FRY: variants seen among roughly 807,000 people sequenced by gnomAD.
FRY encodes FRY microtubule binding protein.
Under a neutral mutation model 348.4 loss-of-function variants are expected in FRY, and 128 were observed. That is an observed-to-expected ratio of 0.37 (90% CI 0.32 to 0.43). The LOEUF (loss-of-function observed/expected upper bound fraction) is 0.43, where lower values mean the gene tolerates loss of function less well. Among genes scored for constraint, FRY ranks in the 20% least tolerant of loss-of-function variants. FRY has a pLI of 1.00. For missense variants in FRY, 2,736 were observed against 3,695.2 expected (o/e 0.74, Z 6.73); for synonymous variants, 1,370 against 1,374.7 (o/e 1.00, Z 0.08).
chr13:32,179,339 C>G (rs1325278872), intron 22 of FRY, among the ~76,000 whole-genome samples: 2 of 152,120 alleles, frequency 1.3e-5, no homozygotes, highest in Non-Finnish European at 1.5e-5. Flanking sequence ...TTCTTTCACT[C>G]CTCACTGAGT....
chr13:32,109,095 A>T (rs1395991732), intron 3 of FRY, among the ~76,000 whole-genome samples: 1 of 152,218 alleles, frequency 6.6e-6, no homozygotes, highest in Non-Finnish European at 1.5e-5. Context: ...AAAGGGGCCT[A>T]AACTAAAATG....
chr13:32,219,224 G>A (rs1330016900), intron 36 of FRY, among the ~76,000 whole-genome samples: 1 of 150,126 alleles, frequency 6.7e-6, no homozygotes, highest in Non-Finnish European at 1.5e-5. Context: ...GAGTAGCTGG[G>A]ACTACAGGCA....
In FRY at chr13:32,299,098, C is replaced by T. The variant is rs532247303; in HGVS notation, c.*3638C>T. On this transcript the variant is annotated 3_prime_UTR_variant, in exon 61 of 61. Transcript: ENST00000542859. Reference sequence around the variant, plus strand: ...TAAATTTTATGTTATATATGTTTTACCACAATAAAAATAATTTTTTTAAAG... The same window carrying T: ...TAAATTTTATGTTATATATGTTTTATCACAATAAAAATAATTTTTTTAAAG... The T allele has an allele frequency of 6.6e-6, 1 of 152,204 alleles. No homozygotes were observed. The highest frequency in any genetic ancestry group is 1.9e-4 in the East Asian group (1 of 5,188). 9.4% of individuals were successfully genotyped at this position (152,204 alleles called of 1,614,324 possible).
intron 42 of FRY, among the ~76,000 whole-genome samples, chr13:32,235,098 A>G (rs572288334): frequency 6.6e-6 from 1 of 152,236 alleles, no homozygotes; most frequent in Admixed American, 6.5e-5. Flanking sequence ...CCAACCTAGG[A>G]TGCAGTTATA....
chr13:32,084,849 A>G (rs1875750779), intron 2 of FRY, among the ~76,000 whole-genome samples: 1 of 151,780 alleles, frequency 6.6e-6, no homozygotes, highest in African/African-American at 2.4e-5. Context: ...CTTGGAGGCA[A>G]TATCTGTGTG....
At chr13:32,032,650 G>A (rs901463573) in intron 1 of FRY, among the ~76,000 whole-genome samples, 1 of 152,126 alleles carries the variant, frequency 6.6e-6, no homozygotes, top group African/African-American at 2.4e-5. Flanking sequence ...CTAAGCTGCC[G>A]TGGATCTGGA....
intron 28 of FRY, among the ~76,000 whole-genome samples, chr13:32,191,002 T>C (rs1004580802): frequency 3.3e-5 from 5 of 152,126 alleles, no homozygotes; most frequent in African/African-American, 1.2e-4. Flanking sequence ...AAATTACCCA[T>C]GTATTATGTA....
At chr13:32,063,009 T>C (rs1874036477) in intron 1 of FRY, among the ~76,000 whole-genome samples, 1 of 152,118 alleles carries the variant, frequency 6.6e-6, no homozygotes. Context: ...ATTGTACTTG[T>C]GTATAGGTAT....
intron 35 of FRY, among the ~76,000 whole-genome samples, chr13:32,214,101 ACAC>A (rs1459796201): frequency 8.5e-5 from 13 of 152,258 alleles, no homozygotes; most frequent in Admixed American, 3.3e-4. Context: ...CTCCCAATGG[ACAC>A]CACTATTCCG....
At chr13:32,081,308 T>C (rs1247285746) in intron 2 of FRY, among the ~76,000 whole-genome samples, 2 of 152,170 alleles carry the variant, frequency 1.3e-5, no homozygotes, top group Non-Finnish European at 2.9e-5. Flanking sequence ...AAGAGATGAA[T>C]CTAATCAGTT....
chr13:32,125,027 C>T, intron 7 of FRY, 152 bp downstream of exon 7: 1 of 716,402 alleles, frequency 1.4e-6, no homozygotes, highest in South Asian at 1.4e-5. Flanking sequence ...ATAGAAAGCT[C>T]TTCCAAGACA....
chr13:32,236,138 T>C lies in FRY; in HGVS notation c.5776T>C (p.Leu1926=). The change falls in exon 43 of 61, where the codon TTG becomes CTG. Residue 1926 remains leucine (L), a synonymous_variant. Coordinates refer to ENST00000542859, the MANE Select transcript of FRY (RefSeq NM_023037.3). ...GGCTGTGGATAACTTGTCTGACTGC[T>C]TGAAGAACAGTGACCTCCTAACTGT... ...EAAVDNLSDC[L]KNSDLLTVLS... 2 of 1,613,938 alleles carry C rather than the reference T, an allele frequency of 1.2e-6. No homozygotes were observed. Among genetic ancestry groups the C allele is most frequent in the East Asian group, 2.2e-5 (1 of 44,870 alleles).
At chr13:32,281,043 T>C (rs567926988) in intron 58 of FRY, among the ~76,000 whole-genome samples, 1 of 152,318 alleles carries the variant, frequency 6.6e-6, no homozygotes, top group East Asian at 1.9e-4. Flanking sequence ...CCTCTTTCTT[T>C]GCTTCTATTT....
chr13:32,290,863 G>A (rs1174001375), intron 59 of FRY, among the ~76,000 whole-genome samples: 2 of 152,018 alleles, frequency 1.3e-5, no homozygotes, highest in Non-Finnish European at 2.9e-5. Context: ...ATGAGACTCA[G>A]GTTCCATCTT....
chr13:32,290,256 A>T (rs907198941), intron 59 of FRY, among the ~76,000 whole-genome samples: 2 of 152,216 alleles, frequency 1.3e-5, no homozygotes, highest in African/African-American at 4.8e-5. Context: ...TGAGTGAGCC[A>T]AAATTTTTCT....
intron 11 of FRY, among the ~76,000 whole-genome samples, chr13:32,138,138 T>G (rs12854225): frequency 7.3e-5 from 11 of 150,982 alleles, no homozygotes; most frequent in South Asian, 2.1e-4. Context: ...TTTTGTTTTG[T>G]TTTTTTGTTT....
intron 1 of FRY, among the ~76,000 whole-genome samples, chr13:32,049,182 G>A (rs1411553325): frequency 6.6e-6 from 1 of 152,192 alleles, no homozygotes; most frequent in Non-Finnish European, 1.5e-5. Context: ...AAGAGGCTGA[G>A]GGATAGTTCC....
intron 42 of FRY, 146 bp downstream of exon 42, chr13:32,234,907 C>G: frequency 1.5e-6 from 1 of 679,754 alleles, no homozygotes; most frequent in Non-Finnish European, 2.5e-6. Flanking sequence ...TAGAGGTTGA[C>G]TTTTATATTT....
chr13:32,279,034 C>G (rs1177958165), intron 58 of FRY, among the ~76,000 whole-genome samples: 1 of 152,196 alleles, frequency 6.6e-6, no homozygotes, highest in African/African-American at 2.4e-5. Flanking sequence ...ATTCATTCTG[C>G]AGTTACATAT....
Sources: gnomAD v4.1 joint callset for allele counts (sites outside exome capture counted in the v4.1 genomes callset) on GRCh38, gnomAD v4.1.1 for gene constraint, MANE v1.5 for transcripts, NCBI Gene and HGNC (gene_info 2026-07-23, HGNC 2026-07-21) for gene names.